BABAM2: variants seen among roughly 807,000 people sequenced by gnomAD.
BABAM2 encodes the protein BRISC and BRCA1-A complex member 2.
In BABAM2, 31 loss-of-function variants were observed where a neutral mutation model predicts 54.7. That is an observed-to-expected ratio of 0.57 (90% CI 0.43 to 0.77). The LOEUF is 0.77. Among genes scored for constraint, BABAM2 ranks in the 30% least tolerant of loss-of-function variants. BABAM2 has a pLI of 0.00. For missense variants in BABAM2, 364 were observed against 455.8 expected (o/e 0.80, Z 1.83); for synonymous variants, 167 against 162.9 (o/e 1.03, Z -0.19).
intron 3 of BABAM2, among the ~76,000 whole-genome samples, chr2:27,977,969 G>A (rs1016599406): frequency 2.6e-5 from 4 of 152,218 alleles, no homozygotes; most frequent in Non-Finnish European, 5.9e-5. Context: ...TTAAATTTCA[G>A]TGTAAGGACA....
intron 10 of BABAM2, among the ~76,000 whole-genome samples, chr2:28,279,449 G>A (rs1372998380): frequency 2.0e-5 from 3 of 152,164 alleles, no homozygotes; most frequent in Non-Finnish European, 4.4e-5. Context: ...GAGCCAGTCA[G>A]TCCTTCCTCC....
At position 28,202,924 on chromosome 2, in the gene BABAM2, C is replaced by T. The variant is rs144250638; in HGVS notation, c.681-34278C>T. On this transcript the variant is annotated intron_variant, in intron 7 of 11. Transcript: ENST00000379624. ...GCAGTTAATTATGGCAGAGCACCAG[C>T]ATGGATTTTGTACCTTAACCTCACC... Among the ~76,000 whole-genome samples the T allele has an allele frequency of 4.4e-3, 674 of 152,292 alleles. 1 individual carries two copies. The highest frequency in any genetic ancestry group is 7.9e-3 in the Non-Finnish European group (539 of 68,030).
chr2:28,103,391 G>T (rs9309659), intron 6 of BABAM2, among the ~76,000 whole-genome samples: 1 of 151,942 alleles, frequency 6.6e-6, no homozygotes, highest in South Asian at 2.1e-4. Flanking sequence ...CATATCACTA[G>T]AGCCACAATC....
At chr2:28,305,851 C>A (rs1037030898) in intron 11 of BABAM2, among the ~76,000 whole-genome samples, 10 of 152,162 alleles carry the variant, frequency 6.6e-5, no homozygotes, top group African/African-American at 2.4e-4. Flanking sequence ...CAATTTTAAT[C>A]CTTTTTTCTT....
chr2:28,309,976 A>G, intron 11 of BABAM2: 1 of 1,227,324 alleles, frequency 8.1e-7, no homozygotes, highest in Non-Finnish European at 1.2e-6. Flanking sequence ...GTTTAGAAGT[A>G]GAGCTGTGAA....
chr2:28,233,478 CA>C (rs202118240), intron 7 of BABAM2, among the ~76,000 whole-genome samples: 1,653 of 152,320 alleles, frequency 0.011, 11 homozygotes, highest in Non-Finnish European at 0.016. Flanking sequence ...TCTTTTATTT[CA>C]TGGCACTTTA....
At chr2:28,244,021 G>A (rs1456448098) in intron 9 of BABAM2, among the ~76,000 whole-genome samples, 7 of 152,128 alleles carry the variant, frequency 4.6e-5, no homozygotes, top group African/African-American at 7.2e-5. Context: ...TCCTCCAGGC[G>A]CTCAGCTCTT....
intron 11 of BABAM2, among the ~76,000 whole-genome samples, chr2:28,317,619 C>A (rs1313354910): frequency 6.6e-6 from 1 of 152,192 alleles, no homozygotes; most frequent in Non-Finnish European, 1.5e-5. Flanking sequence ...TGTCATGAGA[C>A]CAAGAAAACT....
In BABAM2 at chr2:28,313,170, G is replaced by C. The variant is rs144421557; in HGVS notation, c.1088+14679G>C. 2.3e-4 allele frequency among the ~76,000 whole-genome samples: 35 copies of C among 152,300 alleles called. No homozygotes were observed. In the East Asian group the frequency reaches 6.4e-3, roughly 28 times the overall value. On this transcript the variant is annotated intron_variant, in intron 11 of 11. Coordinates refer to ENST00000379624, the MANE Select transcript of BABAM2 (RefSeq NM_199191.3). ...CTCTGTGCCCATGGGGAAAACCCAG[G>C]GTGTTTGTGAGCAGAAATAACCCTG...
At chr2:28,273,297 T>C (rs1685584062) in intron 10 of BABAM2, among the ~76,000 whole-genome samples, 1 of 152,224 alleles carries the variant, frequency 6.6e-6, no homozygotes, top group African/African-American at 2.4e-5. Context: ...TCAGAACCCC[T>C]GAGAGCCTTG....
chr2:28,082,500 C>A (rs1262524253), intron 6 of BABAM2, among the ~76,000 whole-genome samples: 1 of 152,122 alleles, frequency 6.6e-6, no homozygotes. Flanking sequence ...TTATTTATGC[C>A]TTTGTATCCT....
chr2:28,001,676 C>A (rs1226806377), intron 4 of BABAM2, among the ~76,000 whole-genome samples: 1 of 152,088 alleles, frequency 6.6e-6, no homozygotes, highest in African/African-American at 2.4e-5. Context: ...CTGGAAAGAG[C>A]CTCAGGGATC....
chr2:27,976,296 A>G (rs1573308649), intron 3 of BABAM2, among the ~76,000 whole-genome samples: 1 of 152,128 alleles, frequency 6.6e-6, no homozygotes, highest in Non-Finnish European at 1.5e-5. Flanking sequence ...CAAACTGGAA[A>G]TCACCTACAT....
chr2:28,070,481 C>T (rs1270112033), intron 6 of BABAM2, among the ~76,000 whole-genome samples: 4 of 152,034 alleles, frequency 2.6e-5, no homozygotes, highest in Non-Finnish European at 4.4e-5. Context: ...AAAAAAGCCT[C>T]ATTTCTGACT....
At chr2:27,896,282 G>C (rs1665317575) in intron 2 of BABAM2, 1 of 154,038 alleles carries the variant, frequency 6.5e-6, no homozygotes, top group Non-Finnish European at 1.4e-5. Flanking sequence ...GCTAGCTTTA[G>C]AATGAGTGGG....
At chr2:27,974,485 C>G (rs371003930) in intron 3 of BABAM2, among the ~76,000 whole-genome samples, 3 of 152,200 alleles carry the variant, frequency 2.0e-5, no homozygotes, top group South Asian at 4.1e-4. Context: ...TCCATATTAA[C>G]AGACTAATAC....
chr2:28,223,251 C>T (rs1680575374), intron 7 of BABAM2, among the ~76,000 whole-genome samples: 1 of 152,156 alleles, frequency 6.6e-6, no homozygotes. Context: ...TCCTCAATTC[C>T]CTCTTCCCAG....
chr2:27,912,466 T>C (rs1666671609), intron 2 of BABAM2, among the ~76,000 whole-genome samples: 1 of 152,190 alleles, frequency 6.6e-6, no homozygotes. Context: ...AATATGTTTA[T>C]TATATCTATC....
intron 11 of BABAM2, among the ~76,000 whole-genome samples, chr2:28,320,918 A>T (rs1689973692): frequency 1.3e-5 from 2 of 152,200 alleles, no homozygotes; most frequent in Non-Finnish European, 1.5e-5. Context: ...TGTTGCTTGG[A>T]TTAAAATGAG....
Sources: gnomAD v4.1 joint callset for allele counts (sites outside exome capture counted in the v4.1 genomes callset) on GRCh38, gnomAD v4.1.1 for gene constraint, MANE v1.5 for transcripts, NCBI Gene and HGNC (gene_info 2026-07-23, HGNC 2026-07-21) for gene names.